Variants in STARD13 observed in about 807,000 individuals in gnomAD.
STARD13 encodes the protein StAR related lipid transfer domain containing 13.
A neutral mutation model predicts 106.4 loss-of-function variants in STARD13; 62 were observed. The observed-to-expected ratio is 0.58, with a 90% confidence interval of 0.48 to 0.72. STARD13 has a LOEUF of 0.72. Among genes scored for constraint, STARD13 ranks in the 30% least tolerant of loss-of-function variants. The pLI is 0.00. For missense variants in STARD13, 1,387 were observed against 1,424.0 expected (o/e 0.97, Z 0.42); for synonymous variants, 565 against 553.0 (o/e 1.02, Z -0.31).
intron 1 of STARD13, among the ~76,000 whole-genome samples, chr13:33,249,832 C>G (rs1890006272): frequency 6.6e-6 from 1 of 152,080 alleles, no homozygotes; most frequent in African/African-American, 2.4e-5. Flanking sequence ...CTGTGTCACC[C>G]AGGCCAGAGT....
chr13:33,248,035 A>C (rs1889917465), intron 1 of STARD13, among the ~76,000 whole-genome samples: 1 of 152,226 alleles, frequency 6.6e-6, no homozygotes, highest in Non-Finnish European at 1.5e-5. Context: ...ATTTTGAATA[A>C]ATGGGCATAT....
At chr13:33,574,469 C>T in the STARD13 span, among the ~76,000 whole-genome samples, 1,840 of 152,282 alleles carry the variant, frequency 0.012, 39 homozygotes, top group African/African-American at 0.042. Flanking sequence ...ATAGGTCAGG[C>T]TCATGCCTGT....
the STARD13 span, among the ~76,000 whole-genome samples, chr13:33,613,635 G>C: frequency 6.6e-6 from 1 of 152,232 alleles, no homozygotes; most frequent in Non-Finnish European, 1.5e-5. Flanking sequence ...TGGTCTGGAA[G>C]CTTGAGGGCT....
At chr13:33,311,190 G>A (rs947023059) in intron 1 of STARD13, among the ~76,000 whole-genome samples, 6 of 151,504 alleles carry the variant, frequency 4.0e-5, no homozygotes, top group African/African-American at 7.3e-5. Flanking sequence ...CCAGCTACTC[G>A]GGAGGCTGAG....
chr13:33,630,653 G>C, the STARD13 span, among the ~76,000 whole-genome samples: 1 of 152,160 alleles, frequency 6.6e-6, no homozygotes, highest in South Asian at 2.1e-4. Context: ...AAATGAAGAG[G>C]AAGAATTTTT....
intron 8 of STARD13, chr13:33,117,610 T>A (rs1046086801): frequency 1.0e-6 from 1 of 979,318 alleles, no homozygotes; most frequent in African/African-American, 1.8e-5. Flanking sequence ...TTTTCACCAA[T>A]GAAGATACTT....
the STARD13 span, among the ~76,000 whole-genome samples, chr13:33,420,752 G>A: frequency 3.9e-5 from 6 of 152,156 alleles, no homozygotes; most frequent in Non-Finnish European, 7.4e-5. Context: ...ACAACAAACT[G>A]TCTCTCAGAC....
At chr13:33,646,888 A>G in the STARD13 span, among the ~76,000 whole-genome samples, 5 of 152,208 alleles carry the variant, frequency 3.3e-5, no homozygotes, top group East Asian at 5.8e-4. Flanking sequence ...TGAAAGAGTA[A>G]TATTTTATGA....
At chr13:33,630,479 C>T in the STARD13 span, among the ~76,000 whole-genome samples, 1 of 152,196 alleles carries the variant, frequency 6.6e-6, no homozygotes, top group East Asian at 1.9e-4. Flanking sequence ...ATGATTTTCC[C>T]TTCAGAGGTG....
the STARD13 span, among the ~76,000 whole-genome samples, chr13:33,562,629 A>G: frequency 6.8e-6 from 1 of 146,956 alleles, no homozygotes; most frequent in Admixed American, 7.0e-5. Context: ...CATATGCCCT[A>G]GAGTACCAAG....
the STARD13 span, among the ~76,000 whole-genome samples, chr13:33,496,429 G>T: frequency 4.6e-5 from 7 of 151,468 alleles, no homozygotes; most frequent in East Asian, 1.9e-4. Flanking sequence ...AGAATAATTG[G>T]TCAGTTTCCA....
the STARD13 span, among the ~76,000 whole-genome samples, chr13:33,470,854 T>A: frequency 1.6e-3 from 242 of 152,302 alleles, no homozygotes; most frequent in African/African-American, 5.4e-3. Flanking sequence ...ATTGCAAAAA[T>A]TTTATCCCTT....
chr13:33,476,257 G>A, the STARD13 span, among the ~76,000 whole-genome samples: 1 of 152,088 alleles, frequency 6.6e-6, no homozygotes, highest in East Asian at 1.9e-4. Context: ...GAGATTTTTA[G>A]TGATCTTTGA....
chr13:33,339,841 C>T lies in STARD13; in HGVS notation c.124+10449G>A, dbSNP rs540203924. 4.1e-4 allele frequency among the ~76,000 whole-genome samples: 63 copies of T among 151,932 alleles called. No individual in the cohort carries two copies. The Middle Eastern group carries it at 0.01, about 25-fold the overall frequency. On this transcript the variant is annotated intron_variant, in intron 1 of 5. Transcript: ENST00000567873. ...GTGGCTCATGCCTGTAATCCCAGCA[C>T]TTTGGGAGGCCAAGGCAGGTGGATC...
At chr13:33,405,159 C>T in the STARD13 span, among the ~76,000 whole-genome samples, 1 of 152,214 alleles carries the variant, frequency 6.6e-6, no homozygotes, top group African/African-American at 2.4e-5. Context: ...ATCCCCGCCT[C>T]CTCCTTAAGA....
the STARD13 span, among the ~76,000 whole-genome samples, chr13:33,464,057 A>ATATG: frequency 1.3e-5 from 2 of 148,838 alleles, no homozygotes. Flanking sequence ...ATGTATATGT[A>ATATG]TATGTATGTA....
At chr13:33,490,605 C>T in the STARD13 span, among the ~76,000 whole-genome samples, 1 of 152,130 alleles carries the variant, frequency 6.6e-6, no homozygotes, top group African/African-American at 2.4e-5. Flanking sequence ...AAGATACCTT[C>T]CCACTCCATC....
intron 1 of STARD13, among the ~76,000 whole-genome samples, chr13:33,342,454 A>C (rs952766575): frequency 6.6e-6 from 1 of 152,038 alleles, no homozygotes; most frequent in Admixed American, 6.6e-5. Context: ...CCTTAAAAAA[A>C]GTTTGTTTGC....
chr13:33,393,492 T>G, the STARD13 span, among the ~76,000 whole-genome samples: 1 of 152,226 alleles, frequency 6.6e-6, no homozygotes, highest in Non-Finnish European at 1.5e-5. Flanking sequence ...AATCTCAGTT[T>G]TCTTTTATAA....
Sources: gnomAD v4.1 joint callset for allele counts (sites outside exome capture counted in the v4.1 genomes callset) on GRCh38, gnomAD v4.1.1 for gene constraint, MANE v1.5 for transcripts, NCBI Gene and HGNC (gene_info 2026-07-23, HGNC 2026-07-21) for gene names.